Variants in FANCE observed in about 807,000 individuals in gnomAD.
FANCE encodes the protein FA complementation group E.
Under a neutral mutation model 57.8 loss-of-function variants are expected in FANCE, and 42 were observed. The ratio of observed to expected loss-of-function variants is 0.73; its 90% CI spans 0.57 to 0.94. FANCE has a LOEUF of 0.94. FANCE is among the 40% of genes least tolerant of loss of function. FANCE has a pLI of 0.00. For missense variants in FANCE, 608 were observed against 661.8 expected (o/e 0.92, Z 0.89); for synonymous variants, 251 against 286.4 (o/e 0.88, Z 1.25).
intron 1 of FANCE, among the ~76,000 whole-genome samples, chr6:35,454,087 G>A (rs1767224381): frequency 6.7e-6 from 1 of 148,514 alleles, no homozygotes; most frequent in Non-Finnish European, 1.5e-5. Context: ...TTTTTTTGAC[G>A]GAATCTTGCT....
chr6:35,459,868 C>G, intron 7 of FANCE, 108 bp downstream of exon 7: 4 of 922,250 alleles, frequency 4.3e-6, no homozygotes, highest in Non-Finnish European at 3.6e-6. Context: ...CTCTAGGAAG[C>G]CTTATGTGTA....
intron 9 of FANCE, among the ~76,000 whole-genome samples, 171 bp downstream of exon 9, chr6:35,463,085 G>A (rs770340164): frequency 2.0e-5 from 3 of 152,266 alleles, no homozygotes; most frequent in Admixed American, 6.5e-5. Context: ...CGGATCATGA[G>A]GTCAGGAGTT....
rs1021129119 is a variant in FANCE, at chr6:35,456,689, T to C, written c.855+336T>C. 6.6e-6 allele frequency among the ~76,000 whole-genome samples: 1 copy of C among 151,922 alleles called. No individual in the cohort carries two copies. Among genetic ancestry groups the C allele is most frequent in the East Asian group, 1.9e-4 (1 of 5,166 alleles). Reference sequence around the variant, plus strand: ...GCCACCACGCCCAGCTAATTTTGTATTTTTAGTAGAGACAGGGTTTCTCCA... The same window carrying C: ...GCCACCACGCCCAGCTAATTTTGTACTTTTAGTAGAGACAGGGTTTCTCCA... On this transcript the variant is annotated intron_variant, in intron 2 of 9. Transcript: ENST00000229769. This position sits in a 1 kb window ranked among gnomAD's most constrained non-coding sequence, Gnocchi z 4.3.
chr6:35,455,014 C>T (rs1440431873), intron 1 of FANCE, among the ~76,000 whole-genome samples: 2 of 152,262 alleles, frequency 1.3e-5, no homozygotes, highest in Non-Finnish European at 2.9e-5. Flanking sequence ...AAGAGCTGGA[C>T]AGATGACTGA....
chr6:35,457,083 G>A (rs1391244238), intron 2 of FANCE, among the ~76,000 whole-genome samples: 1 of 152,068 alleles, frequency 6.6e-6, no homozygotes, highest in East Asian at 1.9e-4. Flanking sequence ...TGTCTAGTTT[G>A]GGTTCTTAGG....
At chr6:35,464,728 C>CTTT (rs59541412) in intron 9 of FANCE, among the ~76,000 whole-genome samples, 122 of 107,752 alleles carry the variant, frequency 1.1e-3, no homozygotes, top group Middle Eastern at 5.7e-3. Context: ...GAGAGATATT[C>CTTT]TTTTTTTTTT....
rs764652720 is a variant in FANCE at position 35,459,720 on chromosome 6, A to G, written c.1276A>G (p.Met426Val). ...AGAGTTACTGTGTTGCCTTGTGAAG[A>G]TGGAGTCCCTGGAGCCAGATGCACA... ...QTELLCCLVK[M>V]ESLEPDAQVL... The change falls in exon 7 of 10, where the codon ATG becomes GTG. Residue 426 changes from methionine to valine, a missense_variant. Coordinates refer to ENST00000229769, the MANE Select transcript of FANCE (RefSeq NM_021922.3). The G allele has an allele frequency of 2.3e-5, 37 of 1,614,080 alleles. No homozygotes were observed. Among genetic ancestry groups the G allele is most frequent in the Admixed American group, 5.0e-5 (3 of 60,014 alleles).
At chr6:35,463,412 C>A (rs544203327) in intron 9 of FANCE, among the ~76,000 whole-genome samples, 10 of 152,332 alleles carry the variant, frequency 6.6e-5, no homozygotes, top group African/African-American at 2.4e-4. Context: ...CCAGCCAACA[C>A]TTCTTTAGGC....
At chr6:35,462,962 C>T (rs1280639494) in intron 9 of FANCE, 48 bp downstream of exon 9, 9 of 1,610,618 alleles carry the variant, frequency 5.6e-6, no homozygotes, top group Non-Finnish European at 7.6e-6. Context: ...CAGGGCTGCC[C>T]TGGGCCTGCC....
chr6:35,466,101 AAAT>A, intron 9 of FANCE, 140 bp from the exon 10 acceptor site: 1 of 676,340 alleles, frequency 1.5e-6, no homozygotes. Context: ...AACCATGGTG[AAAT>A]AATGAGATTA....
intron 8 of FANCE, among the ~76,000 whole-genome samples, chr6:35,462,009 A>G (rs930100409): frequency 2.6e-5 from 4 of 152,010 alleles, no homozygotes; most frequent in Admixed American, 2.6e-4. Flanking sequence ...TAATATTAAT[A>G]GCACCTACCA....
At chr6:35,453,154 G>T (rs1252544558) in intron 1 of FANCE, among the ~76,000 whole-genome samples, 3 of 152,190 alleles carry the variant, frequency 2.0e-5, no homozygotes, top group Non-Finnish European at 4.4e-5. Flanking sequence ...TACTTAAAAC[G>T]TGATGGTGGA....
rs139600847 is a variant in FANCE, at chr6:35,457,944, C to T, written c.929C>T (p.Pro310Leu). 3.7e-5 allele frequency: 59 copies of T among 1,614,068 alleles called. No homozygotes were observed. The highest frequency in any genetic ancestry group is 9.3e-5 in the African/African-American group (7 of 74,918). Reference sequence around the variant, plus strand: ...TTAGAGGGATTGGAGGATGCCCCCCCAGTTGAGCTACAGCTTCTTCACGAA... The same window carrying T: ...TTAGAGGGATTGGAGGATGCCCCCCTAGTTGAGCTACAGCTTCTTCACGAA... ...EGLEGLEDAP[P>L]VELQLLHECS... Residue 310 changes from proline (P) to leucine (L), a missense_variant, in exon 4 of 10, where the codon CCA (proline) becomes CTA (leucine). Pro to Leu is a moderately conservative substitution (Grantham distance 98). Coordinates refer to ENST00000229769, the MANE Select transcript of FANCE (RefSeq NM_021922.3).
chr6:35,466,160 TCTC>T, intron 9 of FANCE, 81 bp from the exon 10 acceptor site: 1 of 859,940 alleles, frequency 1.2e-6, no homozygotes, highest in Non-Finnish European at 2.0e-6. Context: ...TGGCCTCCTC[TCTC>T]CTCAATAGAG....
intron 5 of FANCE, among the ~76,000 whole-genome samples, chr6:35,458,684 G>C (rs903094412): frequency 4.0e-5 from 6 of 151,176 alleles, no homozygotes; most frequent in Non-Finnish European, 8.8e-5. Context: ...CTGTTGCCTA[G>C]GCTGGAGTGC....
At chr6:35,465,420 A>G (rs912986532) in intron 9 of FANCE, among the ~76,000 whole-genome samples, 3 of 151,944 alleles carry the variant, frequency 2.0e-5, no homozygotes, top group African/African-American at 7.3e-5. Context: ...CACATGATCC[A>G]CCTGCCTCGG....
rs754212287 is a variant in FANCE, at chr6:35,466,837, G to C, written c.*492G>C. On this transcript the variant is annotated 3_prime_UTR_variant, in exon 10 of 10. Transcript: ENST00000229769. ...AAAGTGTTGAGATTTACAGGTGTGA[G>C]CCACCACACCAGGCCAGAGCTATAT... 4 of 275,232 alleles carry C rather than the reference G, an allele frequency of 1.5e-5. No individual in the cohort carries two copies. Among genetic ancestry groups the C allele is most frequent in the African/African-American group, 2.2e-5 (1 of 45,302 alleles). 17.0% of individuals were successfully genotyped at this position (275,232 alleles called of 1,614,324 possible).
intron 4 of FANCE, 116 bp downstream of exon 4, chr6:35,458,100 TTCTC>T: frequency 7.8e-7 from 1 of 1,274,770 alleles, no homozygotes; most frequent in East Asian, 2.3e-5. Flanking sequence ...TTTTGTTGTT[TTCTC>T]TCTCAGCGAT....
intron 1 of FANCE, among the ~76,000 whole-genome samples, chr6:35,454,503 AG>A (rs2150888293): frequency 6.6e-6 from 1 of 152,212 alleles, no homozygotes; most frequent in South Asian, 2.1e-4. Flanking sequence ...AATTATGCAT[AG>A]GGAGGAGTAG....
Sources: allele counts gnomAD v4.1 joint callset (sites outside exome capture counted in the v4.1 genomes callset), GRCh38; gene constraint gnomAD v4.1.1; non-coding constraint Gnocchi (gnomAD v3.1); transcripts MANE v1.5; gene names NCBI Gene and HGNC (gene_info 2026-07-23, HGNC 2026-07-21).